The following KCNQ1 variants were observed in gnomAD, a reference collection of about 807,000 sequenced individuals.
KCNQ1 encodes potassium voltage-gated channel subfamily KQT member 1.
Under a neutral mutation model 72.4 loss-of-function variants are expected in KCNQ1, and 49 were observed. The observed-to-expected ratio is 0.68, with a 90% CI of 0.54 to 0.86. The LOEUF (loss-of-function observed/expected upper bound fraction) is 0.86, where lower values mean the gene tolerates loss of function less well. Ranked by LOEUF, KCNQ1 falls within the 40% of genes least tolerant of loss-of-function variation. The probability of loss-of-function intolerance (pLI) is 0.00; values close to 1 mark genes in which losing one functional copy is unlikely to be tolerated. For synonymous variants in KCNQ1, 450 were observed against 412.6 expected, an observed-to-expected ratio of 1.09 and a Z score of -1.10; for missense variants, 790 against 945.1, an observed-to-expected ratio of 0.84 and a Z score of 2.15.
chr11:2,734,546 G>A lies in KCNQ1; in HGVS notation c.1515-34298G>A, dbSNP rs1043825090. Reference sequence around the variant, plus strand: ...TGGCTGAGAGCCAGATGTGGGGAGCGGGGCTGTCGAGGCTGATCTCAGGAT... The same window carrying A: ...TGGCTGAGAGCCAGATGTGGGGAGCAGGGCTGTCGAGGCTGATCTCAGGAT... On this transcript the variant is annotated intron_variant, in intron 11 of 15. Coordinates refer to ENST00000155840, the MANE Select transcript of KCNQ1 (RefSeq NM_000218.3). The surrounding 1 kb of genome is among the most constrained non-coding windows in gnomAD (Gnocchi z 7.0). Among the ~76,000 whole-genome samples the A allele has an allele frequency of 3.3e-5, 5 of 152,136 alleles. No individual in the cohort carries two copies. Among genetic ancestry groups the A allele is most frequent in the Admixed American group, 6.5e-5 (1 of 15,276 alleles).
In KCNQ1 at chr11:2,808,056, C is replaced by T. The variant is rs1006620064; in HGVS notation, c.1794+30019C>T. On this transcript the variant is annotated intron_variant, in intron 15 of 15. Coordinates refer to ENST00000155840, the MANE Select transcript of KCNQ1 (RefSeq NM_000218.3). The surrounding 1 kb of genome is among the most constrained non-coding windows in gnomAD (Gnocchi z 6.0). Reference sequence around the variant, plus strand: ...CCCACTGAGCACCTGGCCCAGTGCCCGGCACGTGGCAAGTGAAGGCGGCTG... The same window carrying T: ...CCCACTGAGCACCTGGCCCAGTGCCTGGCACGTGGCAAGTGAAGGCGGCTG... 4.6e-5 allele frequency among the ~76,000 whole-genome samples: 7 copies of T among 152,170 alleles called. No homozygotes were observed. Among genetic ancestry groups the T allele is most frequent in the Admixed American group, 2.6e-4 (4 of 15,290 alleles).
rs1590106736 is a variant in KCNQ1 at position 2,815,025 on chromosome 11, T to A, written c.1795-32742T>A. 6.6e-6 allele frequency among the ~76,000 whole-genome samples: 1 copy of A among 152,242 alleles called. No homozygotes were observed. The highest frequency in any genetic ancestry group is 1.5e-5 in the Non-Finnish European group (1 of 68,040). ...CACAGCTTTCCTCATCCCGGCCTCA[T>A]GCACTGTGGGCAGGAGTTGTCCTAG... is the stretch of plus-strand genomic sequence containing the variant. On this transcript the variant is annotated intron_variant, in intron 15 of 15. Transcript: ENST00000155840. The surrounding 1 kb of genome is among the most constrained non-coding windows in gnomAD (Gnocchi z 5.4).
At chr11:2,774,951 G>A (rs767485393) in intron 12 of KCNQ1, among the ~76,000 whole-genome samples, 23 of 151,996 alleles carry the variant, frequency 1.5e-4, no homozygotes, top group Non-Finnish European at 2.9e-4. Flanking sequence ...CCACCAAGCC[G>A]CTTGGCTCGT....
At chr11:2,452,633 G>A (rs1258442546) in intron 1 of KCNQ1, among the ~76,000 whole-genome samples, 3 of 152,234 alleles carry the variant, frequency 2.0e-5, no homozygotes, top group African/African-American at 4.8e-5. Flanking sequence ...ATTCTATTCC[G>A]TGACGTCTCC....
At position 2,703,002 on chromosome 11, in the gene KCNQ1, C is replaced by T. The variant is rs141371054; in HGVS notation, c.1514+40921C>T. Among the ~76,000 whole-genome samples the T allele has an allele frequency of 2.6e-5, 4 of 152,068 alleles. No individual in the cohort carries two copies. The highest frequency in any genetic ancestry group is 2.1e-4 in the South Asian group (1 of 4,814). On this transcript the variant is annotated intron_variant, in intron 11 of 15. Coordinates refer to ENST00000155840, the MANE Select transcript of KCNQ1 (RefSeq NM_000218.3). This position sits in a 1 kb window ranked among gnomAD's most constrained non-coding sequence, Gnocchi z 6.4. ...GGGAAGAGTGGAGAGGAAAACAGGC[C>T]GAGACTGAGAGGGGTTTGTTGTCTC...
At position 2,657,122 on chromosome 11, in the gene KCNQ1, C is replaced by T. The variant is rs1403983941; in HGVS notation, c.1394-4839C>T. ...CAATACCACATTGCCCTAATGACCA[C>T]TGCCTTGGAAGAAGTACTGATGTTT... On this transcript the variant is annotated intron_variant, in intron 10 of 15. Transcript: ENST00000155840. This position sits in a 1 kb window ranked among gnomAD's most constrained non-coding sequence, Gnocchi z 4.8. 5.0e-6 allele frequency: 2 copies of T among 398,536 alleles called. No individual in the cohort carries two copies. The highest frequency in any genetic ancestry group is 8.8e-6 in the Non-Finnish European group (2 of 226,072). 24.7% of individuals were successfully genotyped at this position (398,536 alleles called of 1,614,324 possible).
intron 15 of KCNQ1, among the ~76,000 whole-genome samples, chr11:2,805,558 C>A (rs1028738284): frequency 3.3e-5 from 5 of 152,214 alleles, no homozygotes; most frequent in African/African-American, 1.2e-4. Context: ...CACATAGCCA[C>A]GCCCACCGGT....
chr11:2,672,908 G>A (rs181309618), intron 11 of KCNQ1: 5 of 398,766 alleles, frequency 1.3e-5, no homozygotes, highest in African/African-American at 8.2e-5. Flanking sequence ...GGCACTTGAG[G>A]CCTTGGGCTG....
Position 2,468,690 on chromosome 11 carries a change from C to T in KCNQ1, c.386+23206C>T, listed in dbSNP as rs762969015. 6.6e-6 allele frequency among the ~76,000 whole-genome samples: 1 copy of T among 152,188 alleles called. No individual in the cohort carries two copies. The highest frequency in any genetic ancestry group is 2.4e-5 in the African/African-American group (1 of 41,436). Reference sequence around the variant, plus strand: ...GGACTCTGGCAGCCAACGCTGGTTTCGTCTGGCTTCTTTTATTCAGCGTCA... The same window carrying T: ...GGACTCTGGCAGCCAACGCTGGTTTTGTCTGGCTTCTTTTATTCAGCGTCA... On this transcript the variant is annotated intron_variant, in intron 1 of 15. Coordinates refer to ENST00000155840, the MANE Select transcript of KCNQ1 (RefSeq NM_000218.3). The surrounding 1 kb of genome is among the most constrained non-coding windows in gnomAD (Gnocchi z 5.7).
At position 2,687,287 on chromosome 11, in the gene KCNQ1, GC is replaced by G. The variant is rs1302630070; in HGVS notation, c.1514+25207del. ...CTCTCCTCTGGCCTCCCACCTTGCAGCTTTGAGATCCCAGGCCTCTCAGGGC... is the reference window on the plus strand; with the variant it reads ...CTCTCCTCTGGCCTCCCACCTTGCAGTTTGAGATCCCAGGCCTCTCAGGGC... On this transcript the variant is annotated intron_variant, in intron 11 of 15. Transcript: ENST00000155840. This position sits in a 1 kb window ranked among gnomAD's most constrained non-coding sequence, Gnocchi z 5.0. 1.0e-5 allele frequency: 4 copies of G among 398,574 alleles called. No homozygotes were observed. Among genetic ancestry groups the G allele is most frequent in the African/African-American group, 6.2e-5 (3 of 48,642 alleles). 24.7% of individuals were successfully genotyped at this position (398,574 alleles called of 1,614,324 possible).
At position 2,826,230 on chromosome 11, in the gene KCNQ1, C is replaced by A. The variant is rs1326882752; in HGVS notation, c.1795-21537C>A. The stretch of plus-strand genomic sequence containing the variant: ...TCAGCTGCATTTTAAGGCTACATTT[C>A]ACGTCAGCTGTGACTTGGAAGGAAA... On this transcript the variant is annotated intron_variant, in intron 15 of 15. Transcript: ENST00000155840. This position sits in a 1 kb window ranked among gnomAD's most constrained non-coding sequence, Gnocchi z 4.2. Among the ~76,000 whole-genome samples the A allele has an allele frequency of 2.6e-5, 4 of 152,202 alleles. No individual in the cohort carries two copies. The highest frequency in any genetic ancestry group is 9.7e-5 in the African/African-American group (4 of 41,448).
In KCNQ1 at chr11:2,602,894, T is replaced by C. The variant is rs149526334; in HGVS notation, c.1393+14040T>C. ...TTGTCATCATCTCAACAGGGTACTT[T>C]ACAGAGCAAACATTTTAAATTTTGA... On this transcript the variant is annotated intron_variant, in intron 10 of 15. Transcript: ENST00000155840. The surrounding 1 kb of genome is among the most constrained non-coding windows in gnomAD (Gnocchi z 4.8). Among the ~76,000 whole-genome samples, 464 of 152,342 alleles carry C rather than the reference T, an allele frequency of 3.0e-3. 5 individuals are homozygous for C. Among genetic ancestry groups the C allele is most frequent in the African/African-American group, 0.011 (450 of 41,586 alleles).
chr11:2,501,755 C>G (rs10832179), intron 1 of KCNQ1, among the ~76,000 whole-genome samples: 76,040 of 135,130 alleles, frequency 0.56, 22,428 homozygotes, highest in Non-Finnish European at 0.66. Flanking sequence ...AAAGGAACCA[C>G]GGGCCAATAT....
intron 12 of KCNQ1, among the ~76,000 whole-genome samples, chr11:2,773,944 A>G (rs1846647903): frequency 6.6e-6 from 1 of 152,042 alleles, no homozygotes; most frequent in Admixed American, 6.5e-5. Flanking sequence ...GACAGGGTTC[A>G]GCATCCCATA....
rs373527444 is a variant in KCNQ1, at chr11:2,452,085, C to G, written c.386+6601C>G. Reference sequence around the variant, plus strand: ...TGGCAGCGGGTGAGCTACGGCTGCCCTCACCCAGAGAGTGCAGGTTCCCTG... The same window carrying G: ...TGGCAGCGGGTGAGCTACGGCTGCCGTCACCCAGAGAGTGCAGGTTCCCTG... On this transcript the variant is annotated intron_variant, in intron 1 of 15. Transcript: ENST00000155840. Among the ~76,000 whole-genome samples, 12 of 152,332 alleles carry G rather than the reference C, an allele frequency of 7.9e-5. No homozygotes were observed. In the East Asian group the frequency reaches 2.3e-3, roughly 29 times the overall value.
At chr11:2,604,314 C>T (rs1029568727) in intron 10 of KCNQ1, among the ~76,000 whole-genome samples, 5 of 151,264 alleles carry the variant, frequency 3.3e-5, no homozygotes, top group African/African-American at 4.8e-5. Flanking sequence ...CCCATCTCTA[C>T]TAAAAATACA....
At chr11:2,503,959 C>T (rs1589916689) in intron 1 of KCNQ1, among the ~76,000 whole-genome samples, 1 of 152,182 alleles carries the variant, frequency 6.6e-6, no homozygotes, top group Non-Finnish European at 1.5e-5. Flanking sequence ...TACCTCTGAT[C>T]CAGCAGTCCC....
intron 10 of KCNQ1, chr11:2,633,003 CATA>C: frequency 2.5e-6 from 1 of 398,418 alleles, no homozygotes; most frequent in South Asian, 1.3e-4. Flanking sequence ...CAGTATTTTC[CATA>C]ATGACTCACT....
rs72850292 is a variant in KCNQ1 at position 2,720,128 on chromosome 11, C to T, written c.1515-48716C>T. On this transcript the variant is annotated intron_variant, in intron 11 of 15. Coordinates refer to ENST00000155840, the MANE Select transcript of KCNQ1 (RefSeq NM_000218.3). The surrounding 1 kb of genome is among the most constrained non-coding windows in gnomAD (Gnocchi z 5.1). ...AAAGAGGTGGGGTTCAGTTCCCAAACCCACTGGAGGGTTGCAAGGAGACGC... is the reference window on the plus strand; with the variant it reads ...AAAGAGGTGGGGTTCAGTTCCCAAATCCACTGGAGGGTTGCAAGGAGACGC... 0.036 allele frequency among the ~76,000 whole-genome samples: 5,552 copies of T among 152,334 alleles called. 207 individuals carry two copies. The highest frequency in any genetic ancestry group is 0.05 in the Non-Finnish European group (3,408 of 68,024).
Sources: gnomAD v4.1 joint callset for allele counts (sites outside exome capture counted in the v4.1 genomes callset) on GRCh38, gnomAD v4.1.1 for gene constraint, Gnocchi (gnomAD v3.1) non-coding constraint, MANE v1.5 for transcripts, NCBI Gene and HGNC (gene_info 2026-07-23, HGNC 2026-07-21) for gene names.